The following MYO10 variants were observed in gnomAD, a reference collection of about 807,000 sequenced individuals.
MYO10 encodes the protein unconventional myosin-X.
MYO10 carries 133 observed loss-of-function variants against 257.3 expected under a neutral mutation model. The ratio of observed to expected loss-of-function variants is 0.52; its 90% CI spans 0.45 to 0.60. The LOEUF (loss-of-function observed/expected upper bound fraction) is 0.60, where lower values mean the gene tolerates loss of function less well. MYO10 is among the 20% of genes least tolerant of loss of function. The probability of loss-of-function intolerance (pLI) is 0.00; values close to 1 mark genes in which losing one functional copy is unlikely to be tolerated. For synonymous variants in MYO10, 1,104 were observed against 1,028.6 expected (o/e 1.07, Z -1.40); for missense variants, 2,399 against 2,635.7 (o/e 0.91, Z 1.97).
At chr5:16,694,956 C>G (rs978092336) in intron 26 of MYO10, among the ~76,000 whole-genome samples, 3 of 152,162 alleles carry the variant, frequency 2.0e-5, no homozygotes, top group African/African-American at 7.2e-5. Flanking sequence ...GAACCATGTC[C>G]CTATGTATGG....
chr5:16,703,435 G>C (rs1294665422), intron 22 of MYO10, among the ~76,000 whole-genome samples: 1 of 152,204 alleles, frequency 6.6e-6, no homozygotes, highest in Non-Finnish European at 1.5e-5. Flanking sequence ...AGTCTTGGCA[G>C]AAAGTTGGGT....
chr5:16,762,016 T>C (rs748544433), intron 16 of MYO10, 29 bp downstream of exon 16: 2 of 1,470,722 alleles, frequency 1.4e-6, no homozygotes, highest in South Asian at 2.7e-5. Context: ...AACAGGCAAA[T>C]ATCAATAGGT....
chr5:16,907,647 T>A (rs1745553121), intron 1 of MYO10, among the ~76,000 whole-genome samples: 1 of 152,240 alleles, frequency 6.6e-6, no homozygotes, highest in Non-Finnish European at 1.5e-5. Flanking sequence ...AGGAGACATA[T>A]GCTTCCTCTT....
intron 25 of MYO10, among the ~76,000 whole-genome samples, chr5:16,700,137 C>T (rs1737974230): frequency 6.6e-6 from 1 of 152,108 alleles, no homozygotes; most frequent in Admixed American, 6.5e-5. Context: ...AATCCAGAAA[C>T]TGGAAAAGAG....
chr5:16,680,925 G>A (rs1736965024), intron 32 of MYO10, among the ~76,000 whole-genome samples: 1 of 152,156 alleles, frequency 6.6e-6, no homozygotes, highest in Admixed American at 6.5e-5. Context: ...TTGAGCCCTG[G>A]AAGGCTGTAG....
At chr5:16,673,601 T>C (rs1736574717) in intron 36 of MYO10, 81 bp downstream of exon 36, 3 of 1,462,250 alleles carry the variant, frequency 2.1e-6, no homozygotes, top group Non-Finnish European at 1.9e-6. Flanking sequence ...ACAGCCACTC[T>C]AATGCTGCAC....
intron 1 of MYO10, among the ~76,000 whole-genome samples, chr5:16,906,930 G>A (rs894374709): frequency 2.0e-4 from 30 of 152,074 alleles, no homozygotes; most frequent in African/African-American, 6.5e-4. Flanking sequence ...TGGCTAACAC[G>A]ATGAAACCCC....
At chr5:16,846,539 T>C (rs73060783) in intron 2 of MYO10, among the ~76,000 whole-genome samples, 7,504 of 152,316 alleles carry the variant, frequency 0.049, 640 homozygotes, top group African/African-American at 0.17. Context: ...CTATATTATC[T>C]TGATTCTTTG....
intron 2 of MYO10, among the ~76,000 whole-genome samples, chr5:16,838,147 A>C (rs957154286): frequency 9.2e-5 from 14 of 152,226 alleles, no homozygotes; most frequent in Non-Finnish European, 1.8e-4. Flanking sequence ...GTTCAAGTAA[A>C]AAAGAGTCAC....
At chr5:16,838,316 C>T (rs947411899) in intron 2 of MYO10, among the ~76,000 whole-genome samples, 1 of 152,132 alleles carries the variant, frequency 6.6e-6, no homozygotes, top group Non-Finnish European at 1.5e-5. Context: ...CTACAGTGAA[C>T]AAATGAATGA....
intron 4 of MYO10, among the ~76,000 whole-genome samples, chr5:16,784,563 T>C (rs376094558): frequency 5.9e-5 from 9 of 152,236 alleles, no homozygotes; most frequent in African/African-American, 2.2e-4. Context: ...TGCTTGGTGT[T>C]GTGCAGAGAA....
At chr5:16,690,259 G>T (rs1407060326) in intron 27 of MYO10, among the ~76,000 whole-genome samples, 1 of 152,200 alleles carries the variant, frequency 6.6e-6, no homozygotes, top group African/African-American at 2.4e-5. Flanking sequence ...ATATGCATAG[G>T]TTACATGCAA....
chr5:16,679,873 C>T, intron 33 of MYO10, 74 bp downstream of exon 33: 1 of 1,535,044 alleles, frequency 6.5e-7, no homozygotes, highest in Non-Finnish European at 8.8e-7. Context: ...TTCACTAATG[C>T]TGAGGTCTTG....
intron 40 of MYO10, 76 bp downstream of exon 40, chr5:16,668,201 G>C: frequency 7.0e-7 from 1 of 1,424,666 alleles, no homozygotes; most frequent in Admixed American, 2.2e-5. Context: ...CTGGTCAAAG[G>C]CATGAGGAAA....
chr5:16,751,616 G>C (rs1740378841), intron 19 of MYO10, among the ~76,000 whole-genome samples: 1 of 151,920 alleles, frequency 6.6e-6, no homozygotes, highest in Admixed American at 6.6e-5. Flanking sequence ...CAAGTAGCTG[G>C]GATTACAGGC....
intron 19 of MYO10, among the ~76,000 whole-genome samples, chr5:16,751,832 C>A (rs764738199): frequency 2.0e-5 from 3 of 152,108 alleles, no homozygotes; most frequent in African/African-American, 4.8e-5. Context: ...GTTTCTATAG[C>A]CTATCACTGG....
Position 16,735,266 on chromosome 5 carries a change from C to G in MYO10, c.1929+19562G>C, listed in dbSNP as rs55736249. Reference sequence around the variant, plus strand: ...AGAGGAAAACCTTATGCTGTTAGCCCTGGAATAGGTAGAAAAACGCCCAGG... The same window carrying G: ...AGAGGAAAACCTTATGCTGTTAGCCGTGGAATAGGTAGAAAAACGCCCAGG... On this transcript the variant is annotated intron_variant, in intron 19 of 40. Coordinates refer to ENST00000513610, the MANE Select transcript of MYO10 (RefSeq NM_012334.3). 7.8e-3 allele frequency among the ~76,000 whole-genome samples: 1,188 copies of G among 152,228 alleles called. 17 individuals are homozygous for G. The highest frequency in any genetic ancestry group is 0.028 in the African/African-American group (1,143 of 41,534).
At chr5:16,923,247 T>C (rs953227173) in intron 1 of MYO10, among the ~76,000 whole-genome samples, 2 of 151,612 alleles carry the variant, frequency 1.3e-5, no homozygotes, top group East Asian at 3.9e-4. Context: ...CAATGGTATA[T>C]ACATTGTCAG....
rs141081132 is a variant in MYO10 at position 16,857,222 on chromosome 5, G to T, written c.120+20387C>A. On this transcript the variant is annotated intron_variant, in intron 2 of 40. Coordinates refer to ENST00000513610, the MANE Select transcript of MYO10 (RefSeq NM_012334.3). ...TAAGCCAACCCAGAAAACAACACTG[G>T]GTTACAGACTAAGCCACTGGCAGGT... Among the ~76,000 whole-genome samples the T allele has an allele frequency of 6.2e-3, 943 of 152,174 alleles. 19 individuals carry two copies. The highest frequency in any genetic ancestry group is 0.021 in the African/African-American group (868 of 41,506).
Sources: allele counts gnomAD v4.1 joint callset (sites outside exome capture counted in the v4.1 genomes callset), GRCh38; gene constraint gnomAD v4.1.1; transcripts MANE v1.5; gene names NCBI Gene and HGNC (gene_info 2026-07-23, HGNC 2026-07-21).